Variants in LDB3 observed in about 807,000 individuals in gnomAD.
The protein encoded by LDB3 is LIM domain-binding protein 3.
A neutral mutation model predicts 69.0 loss-of-function variants in LDB3; 49 were observed. That is an observed-to-expected ratio of 0.71 (90% CI 0.56 to 0.90). The LOEUF is 0.90. Ranked by LOEUF, LDB3 falls within the 40% of genes least tolerant of loss-of-function variation. The probability of loss-of-function intolerance (pLI) is 0.00; values close to 1 mark genes in which losing one functional copy is unlikely to be tolerated. For missense variants in LDB3, 928 were observed against 974.1 expected (o/e 0.95, Z 0.63); for synonymous variants, 387 against 396.2 (o/e 0.98, Z 0.28).
At chr10:86,698,432 G>C (rs1022379924) in intron 7 of LDB3, among the ~76,000 whole-genome samples, 2 of 152,162 alleles carry the variant, frequency 1.3e-5, no homozygotes, top group Non-Finnish European at 1.5e-5. Flanking sequence ...GGATGTGATC[G>C]GCCCTTCCAG....
intron 8 of LDB3, among the ~76,000 whole-genome samples, chr10:86,708,069 C>T (rs17106968): frequency 0.097 from 14,841 of 152,298 alleles, 785 homozygotes; most frequent in African/African-American, 0.12. Flanking sequence ...GGGGCCCCAA[C>T]CCTGCTCAAA....
intron 12 of LDB3, among the ~76,000 whole-genome samples, chr10:86,723,492 C>T (rs1847155901): frequency 6.6e-6 from 1 of 152,002 alleles, no homozygotes; most frequent in South Asian, 2.1e-4. Flanking sequence ...AAGCCCAGGG[C>T]CTGGTTTGCA....
intron 9 of LDB3, among the ~76,000 whole-genome samples, chr10:86,710,763 C>T (rs1281380167): frequency 6.6e-6 from 1 of 152,202 alleles, no homozygotes; most frequent in Admixed American, 6.5e-5. Flanking sequence ...GGCCTTGCTT[C>T]GGGGCGCTGG....
chr10:86,692,961 G>A (rs1447616577), intron 7 of LDB3, among the ~76,000 whole-genome samples: 6 of 152,204 alleles, frequency 3.9e-5, no homozygotes, highest in African/African-American at 1.2e-4. Context: ...TCCGAAGGCT[G>A]GGCACTGAGA....
intron 5 of LDB3, among the ~76,000 whole-genome samples, chr10:86,685,217 G>C (rs1422382632): frequency 6.6e-6 from 1 of 152,180 alleles, no homozygotes; most frequent in Non-Finnish European, 1.5e-5. Flanking sequence ...CAGAATTCCA[G>C]AGCTGCCCCC....
chr10:86,726,344 G>A (rs895930270), intron 13 of LDB3, 92 bp downstream of exon 13: 22 of 929,798 alleles, frequency 2.4e-5, no homozygotes, highest in East Asian at 1.6e-4. Flanking sequence ...ACCTTGCCAC[G>A]CTAGCTTTCT....
At chr10:86,694,094 G>C (rs954960486) in intron 7 of LDB3, among the ~76,000 whole-genome samples, 2 of 152,186 alleles carry the variant, frequency 1.3e-5, no homozygotes, top group Non-Finnish European at 2.9e-5. Context: ...TTAACCAGAT[G>C]TCATTAGAAC....
chr10:86,698,619 C>A (rs1846110774), intron 7 of LDB3, among the ~76,000 whole-genome samples: 1 of 152,240 alleles, frequency 6.6e-6, no homozygotes, highest in Non-Finnish European at 1.5e-5. Context: ...GAAGTCCTGG[C>A]CCTGTATCTG....
chr10:86,677,982 G>A (rs555949644), intron 2 of LDB3, among the ~76,000 whole-genome samples: 1 of 152,282 alleles, frequency 6.6e-6, no homozygotes, highest in South Asian at 2.1e-4. Flanking sequence ...CCATAGCTTT[G>A]CAGGGTGCAG....
At chr10:86,680,296 C>T in intron 4 of LDB3, 139 bp downstream of exon 4, 1 of 762,824 alleles carries the variant, frequency 1.3e-6, no homozygotes. Flanking sequence ...GCCCCTGCTG[C>T]AGCTGACCCT....
intron 7 of LDB3, among the ~76,000 whole-genome samples, chr10:86,704,300 T>C (rs1171166631): frequency 6.6e-6 from 1 of 152,194 alleles, no homozygotes. Flanking sequence ...TGCAGCTTTG[T>C]GATGTTTTAC....
chr10:86,670,788 C>T (rs1187893081), intron 2 of LDB3, among the ~76,000 whole-genome samples: 4 of 152,234 alleles, frequency 2.6e-5, no homozygotes, highest in African/African-American at 4.8e-5. Flanking sequence ...TAGGGGCATA[C>T]CCCAAATCAC....
chr10:86,666,881 G>T, upstream of LDB3: 1 of 469,740 alleles, frequency 2.1e-6, no homozygotes. Context: ...GGCCCTGAGG[G>T]TGGGTGCCTT....
At chr10:86,682,379 G>A (rs1845204890) in intron 5 of LDB3, among the ~76,000 whole-genome samples, 1 of 152,102 alleles carries the variant, frequency 6.6e-6, no homozygotes, top group South Asian at 2.1e-4. Context: ...TGGCCAGGGT[G>A]GGGTGGCGAG....
intron 5 of LDB3, chr10:86,685,626 T>A (rs1845425311): frequency 1.9e-6 from 3 of 1,604,486 alleles, no homozygotes; most frequent in African/African-American, 1.3e-5. Context: ...AAACTGCCCC[T>A]GGTGGAGCCT....
chr10:86,706,818 G>A (rs1387132432), intron 8 of LDB3, 99 bp downstream of exon 8: 3 of 1,321,588 alleles, frequency 2.3e-6, no homozygotes, highest in African/African-American at 1.5e-5. Context: ...AAGGTAGTTA[G>A]GGCCCGCAGG....
intron 5 of LDB3, among the ~76,000 whole-genome samples, chr10:86,689,528 C>T (rs1845660469): frequency 6.6e-6 from 1 of 152,228 alleles, no homozygotes; most frequent in Non-Finnish European, 1.5e-5. Context: ...ATGCTGCAGG[C>T]CCAGGCTGGG....
Position 86,717,906 on chromosome 10 carries a change from A to C in LDB3, c.1677-58A>C, listed in dbSNP as rs570567889. The C allele has an allele frequency of 9.0e-4, 1,389 of 1,535,636 alleles. 14 individuals carry two copies. In the South Asian group the frequency reaches 0.013, roughly 14 times the overall value. On this transcript the variant is annotated intron_variant, in intron 10 of 13. Transcript: ENST00000361373. ...TATAAACAGTGTTGGGGTTCTTCAAATATCTAATTCCAAGTTCTGGGAGCT... is the reference window on the plus strand; with the variant it reads ...TATAAACAGTGTTGGGGTTCTTCAACTATCTAATTCCAAGTTCTGGGAGCT...
chr10:86,715,797 T>G (rs111241323), intron 9 of LDB3, among the ~76,000 whole-genome samples: 9 of 151,676 alleles, frequency 5.9e-5, no homozygotes, highest in African/African-American at 1.5e-4. Flanking sequence ...AGAAAGTAAT[T>G]GTAGCTAAAC....
Sources: gnomAD v4.1 joint callset for allele counts (sites outside exome capture counted in the v4.1 genomes callset) on GRCh38, gnomAD v4.1.1 for gene constraint, MANE v1.5 for transcripts, NCBI Gene and HGNC (gene_info 2026-07-23, HGNC 2026-07-21) for gene names.